The following DOP1B variants were observed in gnomAD, a reference collection of about 807,000 sequenced individuals.
DOP1B encodes the protein DOP1 leucine zipper like protein B, also known as protein DOP1B.
In DOP1B, 174 loss-of-function variants were observed where a neutral mutation model predicts 233.5. The ratio of observed to expected loss-of-function variants is 0.75; its 90% CI spans 0.66 to 0.85. The LOEUF (loss-of-function observed/expected upper bound fraction) is 0.85, where lower values mean the gene tolerates loss of function less well. Ranked by LOEUF, DOP1B falls within the 40% of genes least tolerant of loss-of-function variation. The pLI is 0.00. For synonymous variants in DOP1B, 1,190 were observed against 1,185.6 expected (o/e 1.00, Z -0.08); for missense variants, 2,652 against 2,846.6 (o/e 0.93, Z 1.56).
intron 13 of DOP1B, 128 bp from the exon 14 acceptor site, chr21:36,230,322 C>A: frequency 1.7e-6 from 2 of 1,171,348 alleles, no homozygotes; most frequent in Non-Finnish European, 2.3e-6. Flanking sequence ...ACACTTAACA[C>A]AGGGATTCTC....
chr21:36,231,690 T>G (rs1453750504), intron 14 of DOP1B, among the ~76,000 whole-genome samples: 1 of 150,770 alleles, frequency 6.6e-6, no homozygotes, highest in Non-Finnish European at 1.5e-5. Context: ...TTTTTTTTTT[T>G]TTTTTGAGAC....
Position 36,293,562 on chromosome 21 carries a change from A to G in DOP1B, c.6888A>G (p.Pro2296=), listed in dbSNP as rs2067583389. 6.2e-7 allele frequency: 1 copy of G among 1,614,058 alleles called. No individual in the cohort carries two copies. The highest frequency in any genetic ancestry group is 1.3e-5 in the African/African-American group (1 of 74,944). ...ECIEYDFLEH[P]EC The stretch of plus-strand genomic sequence containing the variant: ...TCGAATATGATTTTCTGGAACATCC[A>G]GAATGTTAACCATGTGAGAGAGAAT... The change falls in exon 37 of 37, where the codon CCA becomes CCG. Residue 2296 remains proline (P), a synonymous_variant. Transcript: ENST00000691173.
In DOP1B at chr21:36,245,584, C is replaced by T; in HGVS notation, c.3604C>T (p.Leu1202Phe). The change falls in exon 19 of 37, where the codon CTC (leucine) becomes TTC (phenylalanine). Residue 1202 changes from leucine (L) to phenylalanine (F), a missense_variant. By Grantham distance (22) the Leu-to-Phe change is conservative. This residue lies in a region of DOP1B where 2,617 missense variants were observed against 2,794.3 expected (regional missense o/e 0.94). Transcript: ENST00000691173. This position sits in a 1 kb window ranked among gnomAD's most constrained non-coding sequence, Gnocchi z 5.5. ...CAGCGACGAGGAGGCGGACTTGGAG[C>T]TCCAGGCCCTCACCACATCCAGGCT... The part of the protein sequence containing the change: ...FSSDEEADLE[L>F]QALTTSRLLK... The T allele has an allele frequency of 1.9e-6, 3 of 1,613,444 alleles. No individual in the cohort carries two copies. The highest frequency in any genetic ancestry group is 2.5e-6 in the Non-Finnish European group (3 of 1,179,918).
At chr21:36,160,133 AT>A (rs369022264) in intron 1 of DOP1B, among the ~76,000 whole-genome samples, 53,621 of 149,468 alleles carry the variant, frequency 0.36, 10,550 homozygotes, top group Admixed American at 0.44. Flanking sequence ...TCTGGAAAAA[AT>A]AATAATAATA....
intron 2 of DOP1B, among the ~76,000 whole-genome samples, chr21:36,173,282 A>G (rs1242042089): frequency 6.6e-6 from 1 of 152,152 alleles, no homozygotes; most frequent in African/African-American, 2.4e-5. Flanking sequence ...CATCCAGTCA[A>G]CCCTTTTTTC....
intron 26 of DOP1B, among the ~76,000 whole-genome samples, chr21:36,269,171 T>C (rs1431563227): frequency 6.6e-6 from 1 of 152,130 alleles, no homozygotes; most frequent in East Asian, 1.9e-4. Flanking sequence ...TTTTTTCTTT[T>C]TGAGACGAAG....
At chr21:36,180,578 C>CA (rs1234739482) in intron 2 of DOP1B, among the ~76,000 whole-genome samples, 1 of 101,928 alleles carries the variant, frequency 9.8e-6, no homozygotes, top group East Asian at 2.7e-4. Flanking sequence ...AACTCGGTCT[C>CA]AAAAAAAGAA....
chr21:36,256,619 C>T (rs61702158), intron 23 of DOP1B, among the ~76,000 whole-genome samples: 6 of 152,196 alleles, frequency 3.9e-5, no homozygotes, highest in East Asian at 1.9e-4. Context: ...GCGTGCAGCG[C>T]GTTAGTACTC....
intron 24 of DOP1B, among the ~76,000 whole-genome samples, chr21:36,262,594 G>A (rs909371460): frequency 6.6e-6 from 1 of 152,062 alleles, no homozygotes; most frequent in Non-Finnish European, 1.5e-5. Context: ...CACTAGAAAG[G>A]CCTGAGAGAT....
rs1008387889 is a variant in DOP1B, at chr21:36,213,980, G to A, written c.905-101G>A. ...ATCTGATTTTGGTTTTCCATCAGAA[G>A]AATGATATTTTTAAAAATATTGGAG... On this transcript the variant is annotated intron_variant, in intron 7 of 36. Transcript: ENST00000691173. 4 of 1,025,760 alleles carry A rather than the reference G, an allele frequency of 3.9e-6. No individual in the cohort carries two copies. The South Asian group carries it at 6.0e-5, about 15-fold the overall frequency. The allele number at this position is 1,025,760 out of a possible 1,614,324, so 63.5% of individuals were successfully genotyped here.
At chr21:36,263,320 G>A (rs182066086) in intron 24 of DOP1B, among the ~76,000 whole-genome samples, 63 of 151,660 alleles carry the variant, frequency 4.2e-4, no homozygotes, top group Middle Eastern at 3.5e-3. Flanking sequence ...GAAACCAGGA[G>A]TATCTCACCT....
chr21:36,218,406 C>G (rs1479088544), intron 9 of DOP1B, among the ~76,000 whole-genome samples: 1 of 152,028 alleles, frequency 6.6e-6, no homozygotes, highest in Non-Finnish European at 1.5e-5. Context: ...ACCTGTAATC[C>G]CAGCTGCTTG....
intron 22 of DOP1B, among the ~76,000 whole-genome samples, chr21:36,251,550 A>G (rs2067033001): frequency 6.6e-6 from 1 of 152,042 alleles, no homozygotes; most frequent in African/African-American, 2.4e-5. Flanking sequence ...CTCCCATGTA[A>G]CTGGAATTAT....
intron 23 of DOP1B, among the ~76,000 whole-genome samples, chr21:36,257,533 C>T (rs1213280513): frequency 1.3e-5 from 2 of 151,856 alleles, no homozygotes; most frequent in Admixed American, 6.6e-5. Flanking sequence ...CAAAGGAGGG[C>T]AGGAGTTATG....
chr21:36,285,083 G>A lies in DOP1B; in HGVS notation c.6161-2931G>A, dbSNP rs115696174. On this transcript the variant is annotated intron_variant, in intron 32 of 36. Transcript: ENST00000691173. The stretch of plus-strand genomic sequence containing the variant: ...TTTTTGTTGTTGTTGGGAGGGGAAC[G>A]GAGTCTCACTCTGTTGCCCAGGCTG... 9.8e-3 allele frequency among the ~76,000 whole-genome samples: 1,487 copies of A among 152,052 alleles called. 20 individuals carry two copies. The highest frequency in any genetic ancestry group is 0.034 in the African/African-American group (1,410 of 41,482).
chr21:36,161,207 G>A (rs867564131), intron 1 of DOP1B, among the ~76,000 whole-genome samples: 4 of 151,914 alleles, frequency 2.6e-5, no homozygotes, highest in African/African-American at 9.7e-5. Flanking sequence ...GTGCAATGGT[G>A]CGATCTGAGC....
intron 7 of DOP1B, among the ~76,000 whole-genome samples, chr21:36,212,681 G>A (rs754307002): frequency 4.5e-4 from 69 of 152,158 alleles, no homozygotes; most frequent in Admixed American, 5.9e-4. Context: ...AAGATAACAC[G>A]TTCATGAATT....
chr21:36,169,471 G>C (rs1230640067), intron 2 of DOP1B: 2 of 1,099,526 alleles, frequency 1.8e-6, no homozygotes, highest in African/African-American at 3.1e-5. Context: ...GCAGCTTCTT[G>C]GTGTGCCAAC....
intron 23 of DOP1B, among the ~76,000 whole-genome samples, chr21:36,257,895 GTAGATGTAGGTAGGTAGA>G (rs1330690874): frequency 1.4e-4 from 21 of 148,136 alleles, no homozygotes; most frequent in African/African-American, 5.3e-4. Flanking sequence ...AGGTAGGTAG[GTAGATGTAGGTAGGTAGA>G]TAGATGTAGG....
Sources: gnomAD v4.1 joint callset for allele counts (sites outside exome capture counted in the v4.1 genomes callset) on GRCh38, gnomAD v4.1.1 for gene constraint, gnomAD v4.1.1 regional missense constraint, Gnocchi (gnomAD v3.1) non-coding constraint, MANE v1.5 for transcripts, NCBI Gene and HGNC (gene_info 2026-07-23, HGNC 2026-07-21) for gene names.